The following GPC6 variants were observed in gnomAD, a reference collection of about 807,000 sequenced individuals.
GPC6 encodes the protein glypican-6.
Under a neutral mutation model 55.2 loss-of-function variants are expected in GPC6, and 14 were observed. That is an observed-to-expected ratio of 0.25 (90% CI 0.17 to 0.40). GPC6 has a LOEUF of 0.40. Among genes scored for constraint, GPC6 ranks in the 10% least tolerant of loss-of-function variants. The pLI is 1.00. For synonymous variants in GPC6, 278 were observed against 259.6 expected, an observed-to-expected ratio of 1.07 and a Z score of -0.68; for missense variants, 641 against 708.5, an observed-to-expected ratio of 0.90 and a Z score of 1.08.
At chr13:94,114,649 A>G (rs1194162886) in intron 4 of GPC6, among the ~76,000 whole-genome samples, 1 of 152,160 alleles carries the variant, frequency 6.6e-6, no homozygotes, top group Non-Finnish European at 1.5e-5. Flanking sequence ...AAGCTATGAC[A>G]TACAATGACT....
At chr13:93,939,636 A>T (rs958202230) in intron 3 of GPC6, among the ~76,000 whole-genome samples, 10 of 151,870 alleles carry the variant, frequency 6.6e-5, no homozygotes, top group African/African-American at 2.2e-4. Flanking sequence ...TTTTTTTGAG[A>T]TGGGGGTCAC....
intron 2 of GPC6, among the ~76,000 whole-genome samples, chr13:93,765,960 C>T (rs1166948113): frequency 6.6e-6 from 1 of 152,128 alleles, no homozygotes; most frequent in East Asian, 1.9e-4. Context: ...TATGTTAGTA[C>T]ATTACGTCAA....
chr13:93,786,280 A>G (rs1380720620), intron 2 of GPC6, among the ~76,000 whole-genome samples: 1 of 152,208 alleles, frequency 6.6e-6, no homozygotes, highest in Non-Finnish European at 1.5e-5. Flanking sequence ...GACAGTTTGC[A>G]TCAGGATATT....
intron 4 of GPC6, among the ~76,000 whole-genome samples, chr13:94,243,321 C>CT (rs1373386869): frequency 2.2e-4 from 34 of 152,020 alleles, no homozygotes; most frequent in Admixed American, 2.2e-3. Flanking sequence ...TCAGGGAAAA[C>CT]TAAGGACTGG....
intron 4 of GPC6, among the ~76,000 whole-genome samples, chr13:94,114,881 A>G (rs1029704708): frequency 1.3e-5 from 2 of 151,510 alleles, no homozygotes; most frequent in Non-Finnish European, 2.9e-5. Context: ...TTTTTTTTCC[A>G]TTTTGCAGGT....
intron 2 of GPC6, among the ~76,000 whole-genome samples, chr13:93,730,764 G>A (rs746546956): frequency 5.3e-5 from 8 of 152,188 alleles, no homozygotes; most frequent in Non-Finnish European, 1.0e-4. Flanking sequence ...GGCTGGAGAG[G>A]GAGTAAAACC....
At chr13:93,355,491 G>A (rs1034572409) in intron 1 of GPC6, among the ~76,000 whole-genome samples, 5 of 152,166 alleles carry the variant, frequency 3.3e-5, no homozygotes, top group Non-Finnish European at 1.5e-5. Flanking sequence ...AGAAGTCAGG[G>A]AAAGTGAGCA....
chr13:93,454,125 G>C (rs1428600112), intron 1 of GPC6, among the ~76,000 whole-genome samples: 2 of 151,026 alleles, frequency 1.3e-5, no homozygotes, highest in Admixed American at 6.6e-5. Flanking sequence ...ACAGAGTGTG[G>C]ATTGGTGCAT....
intron 2 of GPC6, among the ~76,000 whole-genome samples, chr13:93,610,965 T>A (rs1878436936): frequency 6.6e-6 from 1 of 152,136 alleles, no homozygotes; most frequent in South Asian, 2.1e-4. Context: ...TTTATGACGA[T>A]TCCCATACAA....
intron 3 of GPC6, among the ~76,000 whole-genome samples, chr13:93,979,333 TTG>T (rs900936395): frequency 1.9e-4 from 27 of 142,836 alleles, no homozygotes; most frequent in Middle Eastern, 3.8e-3. Context: ...GTGTGTTTTT[TTG>T]TGTGTGTGTG....
At chr13:94,267,353 G>A (rs1170831828) in intron 4 of GPC6, among the ~76,000 whole-genome samples, 3 of 152,152 alleles carry the variant, frequency 2.0e-5, no homozygotes, top group Non-Finnish European at 2.9e-5. Context: ...TCTAATGCAA[G>A]TTTAGAAGAA....
At chr13:93,985,828 G>T (rs1212774254) in intron 3 of GPC6, among the ~76,000 whole-genome samples, 1 of 151,838 alleles carries the variant, frequency 6.6e-6, no homozygotes, top group African/African-American at 2.4e-5. Flanking sequence ...TAGAAATATG[G>T]TCTCTATTCT....
intron 4 of GPC6, among the ~76,000 whole-genome samples, chr13:94,071,306 A>T (rs1884725603): frequency 1.3e-5 from 2 of 152,242 alleles, no homozygotes. Context: ...CTTAGAATAA[A>T]GCATGTGGTG....
chr13:93,785,277 A>G (rs1316628139), intron 2 of GPC6, among the ~76,000 whole-genome samples: 2 of 152,208 alleles, frequency 1.3e-5, no homozygotes, highest in African/African-American at 2.4e-5. Flanking sequence ...AAAGAAATAT[A>G]CTATAGAGAA....
At chr13:93,417,974 C>T (rs975636065) in intron 1 of GPC6, among the ~76,000 whole-genome samples, 1 of 152,036 alleles carries the variant, frequency 6.6e-6, no homozygotes, top group Admixed American at 6.6e-5. Flanking sequence ...TCCTGATTAG[C>T]TTTCATACTT....
rs968006097 is a variant in GPC6, at chr13:94,089,783, G to A, written c.877+61889G>A. ...ACTCAGATTTTTTTCTCCAATCTACGCCGGTGCATGTCCCTGAATAACTGC... is the reference window on the plus strand; with the variant it reads ...ACTCAGATTTTTTTCTCCAATCTACACCGGTGCATGTCCCTGAATAACTGC... On this transcript the variant is annotated intron_variant, in intron 4 of 8. Transcript: ENST00000377047. Among the ~76,000 whole-genome samples the A allele has an allele frequency of 3.9e-5, 6 of 152,070 alleles. No individual in the cohort carries two copies. In the East Asian group the frequency reaches 5.8e-4, roughly 15 times the overall value.
intron 4 of GPC6, among the ~76,000 whole-genome samples, chr13:94,086,119 A>G (rs1017042757): frequency 8.6e-5 from 13 of 151,844 alleles, no homozygotes; most frequent in African/African-American, 3.1e-4. Context: ...GCTTCCGTGA[A>G]TTTTTAAAAT....
At chr13:93,635,051 C>G (rs1879635313) in intron 2 of GPC6, among the ~76,000 whole-genome samples, 1 of 151,960 alleles carries the variant, frequency 6.6e-6, no homozygotes, top group Non-Finnish European at 1.5e-5. Context: ...AAGTCCTATC[C>G]AAGGACAAAC....
At chr13:93,603,676 A>G (rs997756981) in intron 2 of GPC6, among the ~76,000 whole-genome samples, 1 of 152,234 alleles carries the variant, frequency 6.6e-6, no homozygotes, top group African/African-American at 2.4e-5. Flanking sequence ...ATTTTATCCC[A>G]TTAATTTCAT....
Sources: allele counts gnomAD v4.1 joint callset (sites outside exome capture counted in the v4.1 genomes callset), GRCh38; gene constraint gnomAD v4.1.1; transcripts MANE v1.5; gene names NCBI Gene and HGNC (gene_info 2026-07-23, HGNC 2026-07-21).